The following RNF145 variants were observed in gnomAD, a reference collection of about 807,000 sequenced individuals.
RNF145 encodes ring finger protein 145.
A neutral mutation model predicts 57.3 loss-of-function variants in RNF145; 12 were observed. The observed-to-expected ratio is 0.21, with a 90% confidence interval of 0.13 to 0.34. The LOEUF (loss-of-function observed/expected upper bound fraction) is 0.34, where lower values mean the gene tolerates loss of function less well. Ranked by LOEUF, RNF145 falls within the 10% of genes least tolerant of loss-of-function variation. The pLI is 1.00. For missense variants in RNF145, 429 were observed against 799.0 expected, an observed-to-expected ratio of 0.54 and a Z score of 5.58; for synonymous variants, 262 against 288.3, an observed-to-expected ratio of 0.91 and a Z score of 0.92.
rs6885498 is a variant in RNF145 at position 159,194,575 on chromosome 5, G to T, written c.293+141C>A. 9 of 638,602 alleles carry T rather than the reference G, an allele frequency of 1.4e-5. No homozygotes were observed. The African/African-American group carries it at 1.7e-4, about 12-fold the overall frequency. 39.6% of individuals were successfully genotyped at this position (638,602 alleles called of 1,614,324 possible). On this transcript the variant is annotated intron_variant, in intron 3 of 10. Coordinates refer to ENST00000424310, the MANE Select transcript of RNF145 (RefSeq NM_001199383.2). ...TAAACCAGCTATTAATCCTGTGTAA[G>T]ATTTGGAAAATGAGTATCAAACCAG...
intron 3 of RNF145, among the ~76,000 whole-genome samples, chr5:159,187,453 G>A (rs1195407834): frequency 6.6e-6 from 1 of 151,672 alleles, no homozygotes; most frequent in Non-Finnish European, 1.5e-5. Context: ...TCAGTATCCT[G>A]AGTAGCTTAG....
At chr5:159,172,113 A>C (rs1053502787) in intron 6 of RNF145, among the ~76,000 whole-genome samples, 1 of 152,164 alleles carries the variant, frequency 6.6e-6, no homozygotes, top group African/African-American at 2.4e-5. Flanking sequence ...AAGCACCACC[A>C]ATTCAGTCTC....
rs747910459 is a variant in RNF145, at chr5:159,176,732, A to C, written c.521T>G (p.Phe174Cys). ...PLETIVIINK[F>C]AMIFTGLEVL... ...TTCCAATCCAGTAAAAATCATAGCA[A>C]ATTTATTGATGATAACAATTGTCTC... The change falls in exon 5 of 11, where the codon TTT becomes TGT. Residue 174 changes from phenylalanine to cysteine, a missense_variant. Phe to Cys is a radical substitution (Grantham distance 205). Transcript: ENST00000424310. The C allele has an allele frequency of 1.2e-6, 2 of 1,612,080 alleles. No individual in the cohort carries two copies. Among genetic ancestry groups the C allele is most frequent in the East Asian group, 4.5e-5 (2 of 44,846 alleles).
chr5:159,179,785 C>G (rs1488577055), intron 4 of RNF145, among the ~76,000 whole-genome samples: 2 of 151,990 alleles, frequency 1.3e-5, no homozygotes, highest in Non-Finnish European at 2.9e-5. Flanking sequence ...CTTTTAAAAT[C>G]CACTCTGTAG....
At chr5:159,164,987 G>T (rs905079327) in intron 8 of RNF145, among the ~76,000 whole-genome samples, 12 of 152,060 alleles carry the variant, frequency 7.9e-5, no homozygotes, top group African/African-American at 2.9e-4. Context: ...TCTCTTAATT[G>T]TCCTCTAACT....
At chr5:159,176,932 A>G in intron 4 of RNF145, 65 bp from the exon 5 acceptor site, 1 of 897,986 alleles carries the variant, frequency 1.1e-6, no homozygotes, top group Middle Eastern at 2.2e-4. Flanking sequence ...AAAACAAACA[A>G]AAAACACTGT....
chr5:159,169,171 C>G (rs1784471145), intron 7 of RNF145, 116 bp from the exon 8 acceptor site: 3 of 821,376 alleles, frequency 3.7e-6, no homozygotes, highest in Non-Finnish European at 5.4e-6. Context: ...TCTATTCTGA[C>G]TTAATCCAGA....
chr5:159,166,476 C>T (rs1228295625), intron 8 of RNF145, among the ~76,000 whole-genome samples: 1 of 152,214 alleles, frequency 6.6e-6, no homozygotes, highest in Non-Finnish European at 1.5e-5. Context: ...ATACTAATCT[C>T]AGTGGAATTT....
chr5:159,205,252 C>T (rs1785835569), intron 1 of RNF145, among the ~76,000 whole-genome samples: 1 of 152,038 alleles, frequency 6.6e-6, no homozygotes, highest in African/African-American at 2.4e-5. Context: ...TTCACATGAA[C>T]AAGATCATTT....
At chr5:159,190,749 TA>T (rs1040883838) in intron 3 of RNF145, among the ~76,000 whole-genome samples, 2 of 151,554 alleles carry the variant, frequency 1.3e-5, no homozygotes, top group African/African-American at 2.4e-5. Context: ...ATTATTTTTT[TA>T]AAACTAAAAC....
chr5:159,159,338 T>C (rs1784139671), intron 10 of RNF145, among the ~76,000 whole-genome samples: 1 of 152,196 alleles, frequency 6.6e-6, no homozygotes, highest in African/African-American at 2.4e-5. Flanking sequence ...TGTTACACAA[T>C]TGTTGCAGTA....
chr5:159,181,316 A>T (rs1327525143), intron 4 of RNF145, among the ~76,000 whole-genome samples: 2 of 151,968 alleles, frequency 1.3e-5, no homozygotes, highest in Admixed American at 1.3e-4. Flanking sequence ...AGTATTTCAG[A>T]AAAAAAGAGT....
In RNF145 at chr5:159,182,156, T is replaced by C. The variant is rs991225391; in HGVS notation, c.294-105A>G. 3.7e-5 allele frequency: 22 copies of C among 589,526 alleles called. No homozygotes were observed. The African/African-American group carries it at 3.9e-4, about 11-fold the overall frequency. The allele number at this position is 589,526 out of a possible 1,614,324, so 36.5% of individuals were successfully genotyped here. A position where few individuals can be genotyped will look rare whatever the true frequency, so the allele number is the denominator to read the frequency against. On this transcript the variant is annotated intron_variant, in intron 3 of 10. Transcript: ENST00000424310. ...TGTTAATGATACCCCTTTCCATATC[T>C]AAGGAAAAATTTAGATATGAAGAAT...
At chr5:159,168,051 C>T (rs1319772306) in intron 8 of RNF145, among the ~76,000 whole-genome samples, 1 of 151,940 alleles carries the variant, frequency 6.6e-6, no homozygotes, top group Non-Finnish European at 1.5e-5. Context: ...ACAGTGACAT[C>T]GAATTTTAAG....
chr5:159,169,950 G>A (rs1784494744), intron 6 of RNF145, 131 bp from the exon 7 acceptor site: 3 of 632,636 alleles, frequency 4.7e-6, no homozygotes, highest in Non-Finnish European at 7.8e-6. Context: ...AAAATTTGAG[G>A]AGAAATCACC....
chr5:159,167,714 G>A (rs989861363), intron 8 of RNF145, among the ~76,000 whole-genome samples: 6 of 152,088 alleles, frequency 3.9e-5, no homozygotes, highest in Admixed American at 2.6e-4. Flanking sequence ...ACAAACAAAT[G>A]TGAAATAACT....
intron 9 of RNF145, among the ~76,000 whole-genome samples, chr5:159,162,363 C>T (rs114220412): frequency 0.015 from 2,270 of 151,746 alleles, 39 homozygotes; most frequent in African/African-American, 0.044. Context: ...AAAAGAGAAA[C>T]TGAAAGGCTT....
At chr5:159,171,285 T>C (rs913387401) in intron 6 of RNF145, among the ~76,000 whole-genome samples, 5 of 152,222 alleles carry the variant, frequency 3.3e-5, no homozygotes, top group East Asian at 1.9e-4. Flanking sequence ...ATGAGAATCA[T>C]GGCTGAAAAC....
chr5:159,209,986 C>T (rs1786056439), upstream of RNF145: 4 of 1,313,528 alleles, frequency 3.0e-6, no homozygotes, highest in Admixed American at 5.9e-5. Flanking sequence ...TCTGGGATGG[C>T]TCAGCCGTGC....
Sources: allele counts gnomAD v4.1 joint callset (sites outside exome capture counted in the v4.1 genomes callset), GRCh38; gene constraint gnomAD v4.1.1; transcripts MANE v1.5; gene names NCBI Gene and HGNC (gene_info 2026-07-23, HGNC 2026-07-21).